Variants in FHIT observed in about 807,000 individuals in gnomAD.
FHIT encodes the protein bis(5'-adenosyl)-triphosphatase.
FHIT carries 19 observed loss-of-function variants against 17.9 expected under a neutral mutation model. The observed-to-expected ratio is 1.06, with a 90% confidence interval of 0.74 to 1.56. The LOEUF (loss-of-function observed/expected upper bound fraction) is 1.56. Among genes scored for constraint, FHIT ranks in the 40% most tolerant of loss-of-function variants. FHIT has a pLI of 0.00. For synonymous variants in FHIT, 81 were observed against 69.7 expected (o/e 1.16, Z -0.81); for missense variants, 248 against 189.2 (o/e 1.31, Z -1.82).
At chr3:61,118,381 A>G (rs2036361604) in intron 2 of FHIT, among the ~76,000 whole-genome samples, 1 of 146,988 alleles carries the variant, frequency 6.8e-6, no homozygotes, top group Non-Finnish European at 1.5e-5. Flanking sequence ...AGAAGGACCC[A>G]TGTTCACTGG....
chr3:61,164,640 T>G (rs1025219036), intron 2 of FHIT, among the ~76,000 whole-genome samples: 15 of 152,350 alleles, frequency 9.8e-5, no homozygotes, highest in South Asian at 4.1e-4. Context: ...AATTTTTTTT[T>G]TTTGTTTCAA....
intron 5 of FHIT, among the ~76,000 whole-genome samples, chr3:60,147,828 C>G (rs538380581): frequency 4.6e-5 from 7 of 152,094 alleles, no homozygotes; most frequent in African/African-American, 1.7e-4. Flanking sequence ...AGTTGTCGAA[C>G]GACCTCGGGG....
At chr3:60,754,296 T>C (rs550200159) in intron 4 of FHIT, among the ~76,000 whole-genome samples, 1 of 152,330 alleles carries the variant, frequency 6.6e-6, no homozygotes, top group Admixed American at 6.5e-5. Flanking sequence ...TACTCATTGA[T>C]GCAATGTTAT....
chr3:60,821,118 G>A (rs1250760799), intron 4 of FHIT, among the ~76,000 whole-genome samples: 6 of 151,988 alleles, frequency 3.9e-5, no homozygotes. Flanking sequence ...TGGGATTACA[G>A]ACACCTGCTA....
intron 7 of FHIT, among the ~76,000 whole-genome samples, chr3:59,966,213 G>A (rs1707919599): frequency 6.6e-6 from 1 of 152,092 alleles, no homozygotes; most frequent in African/African-American, 2.4e-5. Context: ...GCAAAAACTA[G>A]AAGCTGGCAC....
chr3:60,140,575 A>ATTTT (rs10540921), intron 5 of FHIT, among the ~76,000 whole-genome samples: 1 of 129,018 alleles, frequency 7.8e-6, no homozygotes, highest in African/African-American at 2.9e-5. Flanking sequence ...CACAGACTCT[A>ATTTT]TTTTTTTTTT....
intron 5 of FHIT, among the ~76,000 whole-genome samples, chr3:60,348,687 C>T (rs558542246): frequency 7.0e-4 from 107 of 152,138 alleles, no homozygotes; most frequent in Non-Finnish European, 1.4e-3. Flanking sequence ...CAATGTCTTC[C>T]CACTCTGCAT....
chr3:60,728,352 C>G (rs1553710156), intron 4 of FHIT, among the ~76,000 whole-genome samples: 1 of 152,176 alleles, frequency 6.6e-6, no homozygotes, highest in African/African-American at 2.4e-5. Context: ...TTTTAATGCT[C>G]ATTAATCTTT....
At chr3:60,900,303 A>T (rs1310693852) in intron 3 of FHIT, among the ~76,000 whole-genome samples, 1 of 152,072 alleles carries the variant, frequency 6.6e-6, no homozygotes, top group Non-Finnish European at 1.5e-5. Context: ...GCCATGCCTG[A>T]AGTCCTAGCT....
At chr3:60,149,784 C>G (rs940413455) in intron 5 of FHIT, among the ~76,000 whole-genome samples, 1 of 151,406 alleles carries the variant, frequency 6.6e-6, no homozygotes, top group Non-Finnish European at 1.5e-5. Context: ...TGCCCCTACC[C>G]CCCTACCCCC....
chr3:60,799,375 T>C (rs926774821), intron 4 of FHIT, among the ~76,000 whole-genome samples: 4 of 152,174 alleles, frequency 2.6e-5, no homozygotes, highest in Non-Finnish European at 5.9e-5. Context: ...GGTTTCTCCA[T>C]GTTGGTCAGG....
intron 5 of FHIT, among the ~76,000 whole-genome samples, chr3:60,414,909 G>C (rs1025883848): frequency 6.6e-6 from 1 of 152,152 alleles, no homozygotes; most frequent in African/African-American, 2.4e-5. Context: ...TGAAAAGTTA[G>C]ATAGAAAGCT....
chr3:60,560,332 A>C (rs531870178), intron 4 of FHIT, among the ~76,000 whole-genome samples: 1 of 152,056 alleles, frequency 6.6e-6, no homozygotes, highest in Non-Finnish European at 1.5e-5. Context: ...TCTGTCTTAC[A>C]TATTAGATAA....
At chr3:60,130,784 G>GTGTATATACACACATATATGTGTGTGTGT (rs148356992) in intron 5 of FHIT, among the ~76,000 whole-genome samples, 86 of 111,720 alleles carry the variant, frequency 7.7e-4, no homozygotes, top group Middle Eastern at 0.01. Context: ...GTGTGTGTGT[G>GTGTATATACACACATATATGTGTGTGTGT]GTGTGTATAT....
chr3:59,876,831 ACTT>A lies in FHIT; in HGVS notation c.348+45512_348+45514del, dbSNP rs573915145. On this transcript the variant is annotated intron_variant, in intron 8 of 9. Coordinates refer to ENST00000492590, the MANE Select transcript of FHIT (RefSeq NM_002012.4). ...GAAGCTACCCTTTTTCATTTGTTCAACTTCTTCTTGGGAAGCTAATCTTACCCT... is the reference window on the plus strand; with the variant it reads ...GAAGCTACCCTTTTTCATTTGTTCAACTTCTTGGGAAGCTAATCTTACCCT... 6.2e-4 allele frequency among the ~76,000 whole-genome samples: 94 copies of A among 152,226 alleles called. 1 individual carries two copies. Among genetic ancestry groups the A allele is most frequent in the Admixed American group, 6.1e-3 (93 of 15,294 alleles).
At chr3:60,761,323 C>T (rs1313799719) in intron 4 of FHIT, among the ~76,000 whole-genome samples, 2 of 152,110 alleles carry the variant, frequency 1.3e-5, no homozygotes, top group African/African-American at 2.4e-5. Flanking sequence ...TATGAGTGAA[C>T]GTGCGTATGA....
chr3:60,877,278 C>A (rs1217833337), intron 3 of FHIT, among the ~76,000 whole-genome samples: 1 of 152,190 alleles, frequency 6.6e-6, no homozygotes. Context: ...CTCCAAACCA[C>A]CCCAAACCAG....
intron 2 of FHIT, among the ~76,000 whole-genome samples, chr3:61,187,290 C>T (rs1216170482): frequency 1.3e-5 from 2 of 152,188 alleles, no homozygotes; most frequent in Non-Finnish European, 2.9e-5. Flanking sequence ...ACAGCAGACA[C>T]TGCTGAGGGC....
At chr3:60,250,445 C>G (rs549229317) in intron 5 of FHIT, among the ~76,000 whole-genome samples, 2 of 152,282 alleles carry the variant, frequency 1.3e-5, no homozygotes, top group Non-Finnish European at 2.9e-5. Flanking sequence ...AGGACCCCCT[C>G]GGCCAGAAAA....
Sources: gnomAD v4.1 joint callset for allele counts (sites outside exome capture counted in the v4.1 genomes callset) on GRCh38, gnomAD v4.1.1 for gene constraint, MANE v1.5 for transcripts, NCBI Gene and HGNC (gene_info 2026-07-23, HGNC 2026-07-21) for gene names.